The following HELZ variants were observed in gnomAD, a reference collection of about 807,000 sequenced individuals.
HELZ encodes ATP-dependent RNA helicase with zinc finger domain.
Under a neutral mutation model 218.2 loss-of-function variants are expected in HELZ, and 23 were observed. That is an observed-to-expected ratio of 0.11 (90% CI 0.08 to 0.15). The LOEUF (loss-of-function observed/expected upper bound fraction) is 0.15. HELZ is among the 10% of genes least tolerant of loss of function. The probability of loss-of-function intolerance (pLI) is 1.00; values close to 1 mark genes in which losing one functional copy is unlikely to be tolerated. For missense variants in HELZ, 1,813 were observed against 2,353.7 expected, an observed-to-expected ratio of 0.77 and a Z score of 4.75; for synonymous variants, 814 against 829.4, an observed-to-expected ratio of 0.98 and a Z score of 0.32.
Position 67,109,245 on chromosome 17 carries a change from G to C in HELZ, c.4360C>G (p.Pro1454Ala), listed in dbSNP as rs1264405391. 2 of 1,614,020 alleles carry C rather than the reference G, an allele frequency of 1.2e-6. No individual in the cohort carries two copies. The highest frequency in any genetic ancestry group is 1.7e-6 in the Non-Finnish European group (2 of 1,180,028). Reference protein sequence around the residue: ...PAEAVIPEQQPPPMLQEGHSP... With the variant: ...PAEAVIPEQQAPPMLQEGHSP... ...TGGCCTTCTTGCAGCATGGGAGGGG[G>C]CTGCTGCTCCGGAATTACAGCTTCT... Residue 1454 changes from proline (P) to alanine (A), a missense_variant, in exon 29 of 33, where the codon CCC (proline) becomes GCC (alanine). Around this residue, in one of 4 missense-constraint regions of HELZ, gnomAD observed 938 missense variants for 1,027.5 expected, o/e 0.91. Transcript: ENST00000358691.
In HELZ at chr17:67,167,501, A is replaced by G. The variant is rs368508098; in HGVS notation, c.1726T>C (p.Cys576Arg). The change falls in exon 14 of 33, where the codon TGT becomes CGT. Residue 576 changes from cysteine to arginine, a missense_variant. Around this residue, in one of 4 missense-constraint regions of HELZ, gnomAD observed 714 missense variants for 1,029.2 expected, o/e 0.69. Coordinates refer to ENST00000358691, the MANE Select transcript of HELZ (RefSeq NM_014877.4). ...TCAGGCCGAAGATTAAGTTCTTCAC[A>G]GCATTCCCTAGATAGCCTTAAAAAT... is the stretch of plus-strand genomic sequence containing the variant. Reference protein sequence around the residue: ...YIFLRLSRECCEELNLRPDCD... With the variant: ...YIFLRLSRECREELNLRPDCD... The G allele has an allele frequency of 1.9e-6, 3 of 1,613,744 alleles. No homozygotes were observed. Among genetic ancestry groups the G allele is most frequent in the Non-Finnish European group, 2.5e-6 (3 of 1,179,736 alleles).
At chr17:67,120,165 G>A (rs1436753570) in intron 27 of HELZ, 28 of 410,620 alleles carry the variant, frequency 6.8e-5, no homozygotes, top group South Asian at 1.9e-4. Context: ...CACCATGCCC[G>A]GCTAATTTTT....
At chr17:67,167,213 T>C (rs1003152604) in intron 14 of HELZ, among the ~76,000 whole-genome samples, 3 of 152,258 alleles carry the variant, frequency 2.0e-5, no homozygotes, top group Non-Finnish European at 2.9e-5. Flanking sequence ...TTTTCTTCCA[T>C]TGCTGATTTA....
intron 27 of HELZ, chr17:67,119,993 CTTTTTTTTTTTTT>C (rs56893875): frequency 1.5e-4 from 25 of 161,978 alleles, no homozygotes; most frequent in Admixed American, 2.7e-4. Context: ...TCTCCCTTTT[CTTTTTTTTTTTTT>C]TTTTTTTTTT....
At chr17:67,166,059 C>T (rs1030119350) in intron 15 of HELZ, among the ~76,000 whole-genome samples, 13 of 151,984 alleles carry the variant, frequency 8.6e-5, no homozygotes, top group Admixed American at 1.3e-4. Flanking sequence ...TGCTTGAGCC[C>T]GGGAGTTCAA....
At chr17:67,157,690 T>C (rs551720248) in intron 17 of HELZ, among the ~76,000 whole-genome samples, 2 of 152,314 alleles carry the variant, frequency 1.3e-5, no homozygotes, top group Admixed American at 6.5e-5. Flanking sequence ...AGTCTGGTAA[T>C]ATATAATTTT....
intron 23 of HELZ, among the ~76,000 whole-genome samples, chr17:67,132,714 G>A (rs1238673426): frequency 6.6e-6 from 1 of 152,208 alleles, no homozygotes; most frequent in Non-Finnish European, 1.5e-5. Context: ...CTTGGTGAGA[G>A]AGGGGGAGGA....
At chr17:67,104,439 AAAAAAAAAAAC>A (rs1179952484) in intron 31 of HELZ, among the ~76,000 whole-genome samples, 1 of 75,962 alleles carries the variant, frequency 1.3e-5, no homozygotes, top group Non-Finnish European at 3.3e-5. Context: ...ACGCCATTTC[AAAAAAAAAAAC>A]AAACAACTAT....
chr17:67,228,872 C>A (rs1184909338), intron 3 of HELZ, among the ~76,000 whole-genome samples: 1 of 152,116 alleles, frequency 6.6e-6, no homozygotes, highest in African/African-American at 2.4e-5. Flanking sequence ...GCATACGCCA[C>A]CACACCAGGC....
rs1215339802 is a variant in HELZ, at chr17:67,074,886, C to A, written c.*3366G>T. On this transcript the variant is annotated 3_prime_UTR_variant, in exon 33 of 33. Transcript: ENST00000358691. ...AAAAAAAAAAAAAATCTACACAAAG[C>A]AGTTTGTTATTTCACGTGTAAAAAA... 6.6e-6 allele frequency: 1 copy of A among 151,374 alleles called. No homozygotes were observed. The highest frequency in any genetic ancestry group is 1.5e-5 in the Non-Finnish European group (1 of 67,862). 9.4% of individuals were successfully genotyped at this position (151,374 alleles called of 1,614,324 possible). A position where few individuals can be genotyped will look rare whatever the true frequency, so the allele number is the denominator to read the frequency against.
intron 3 of HELZ, among the ~76,000 whole-genome samples, chr17:67,235,712 C>T (rs1212245641): frequency 2.0e-5 from 3 of 150,896 alleles, no homozygotes; most frequent in East Asian, 3.9e-4. Context: ...CCTTCAAACA[C>T]TCTTCCCAAG....
At chr17:67,093,796 T>TTTTAC (rs2036647560) in intron 31 of HELZ, among the ~76,000 whole-genome samples, 1 of 152,188 alleles carries the variant, frequency 6.6e-6, no homozygotes, top group African/African-American at 2.4e-5. Flanking sequence ...TCACTATTTA[T>TTTTAC]ATTATTTTTA....
At chr17:67,214,321 A>G (rs2040538750) in intron 5 of HELZ, among the ~76,000 whole-genome samples, 1 of 127,810 alleles carries the variant, frequency 7.8e-6, no homozygotes, top group Non-Finnish European at 1.5e-5. Context: ...GCTGGAGTGC[A>G]GTAGCACATT....
At chr17:67,103,740 A>C (rs964803592) in intron 31 of HELZ, among the ~76,000 whole-genome samples, 1 of 152,210 alleles carries the variant, frequency 6.6e-6, no homozygotes, top group African/African-American at 2.4e-5. Context: ...GAAATTAGTA[A>C]GCTGATCCTA....
At chr17:67,242,973 C>T (rs2041366696) in intron 2 of HELZ, among the ~76,000 whole-genome samples, 1 of 151,750 alleles carries the variant, frequency 6.6e-6, no homozygotes, top group African/African-American at 2.4e-5. Context: ...AGTAACCAAT[C>T]GACCACAATT....
In HELZ at chr17:67,108,781, T is replaced by C. The variant is rs1567807307; in HGVS notation, c.4490-55A>G. 1.5e-6 allele frequency: 2 copies of C among 1,301,836 alleles called. No homozygotes were observed. The highest frequency in any genetic ancestry group is 1.5e-5 in the South Asian group (1 of 68,096). The allele number at this position is 1,301,836 out of a possible 1,614,324, so 80.6% of individuals were successfully genotyped here. A position where few individuals can be genotyped will look rare whatever the true frequency, so the allele number is the denominator to read the frequency against. On this transcript the variant is annotated intron_variant, in intron 29 of 32. Transcript: ENST00000358691. This position sits in a 1 kb window ranked among gnomAD's most constrained non-coding sequence, Gnocchi z 4.1. ...TGAATTTGGGGTTTCAAGTTCATTATTTAAAGTTTTTTACTAACATATTTT... is the reference window on the plus strand; with the variant it reads ...TGAATTTGGGGTTTCAAGTTCATTACTTAAAGTTTTTTACTAACATATTTT...
intron 5 of HELZ, among the ~76,000 whole-genome samples, chr17:67,205,314 G>A (rs1443768338): frequency 3.4e-5 from 5 of 148,564 alleles, no homozygotes; most frequent in South Asian, 2.1e-4. Context: ...GGACAAGAGC[G>A]AAACTGTCTC....
intron 5 of HELZ, among the ~76,000 whole-genome samples, chr17:67,211,855 T>C (rs990662013): frequency 2.0e-5 from 3 of 149,598 alleles, no homozygotes; most frequent in Non-Finnish European, 4.5e-5. Flanking sequence ...AACAAAACTG[T>C]CTCAAAAAAA....
intron 27 of HELZ, among the ~76,000 whole-genome samples, chr17:67,118,500 A>C (rs1312731749): frequency 6.6e-6 from 1 of 152,044 alleles, no homozygotes; most frequent in Non-Finnish European, 1.5e-5. Context: ...TAGAAGAAAA[A>C]ATGGATAAAA....
Sources: gnomAD v4.1 joint callset for allele counts (sites outside exome capture counted in the v4.1 genomes callset) on GRCh38, gnomAD v4.1.1 for gene constraint, gnomAD v4.1.1 regional missense constraint, Gnocchi (gnomAD v3.1) non-coding constraint, MANE v1.5 for transcripts, NCBI Gene and HGNC (gene_info 2026-07-23, HGNC 2026-07-21) for gene names.